The following SLIT2 variants were observed in gnomAD, a reference collection of about 807,000 sequenced individuals.
SLIT2 encodes the protein slit guidance ligand 2, also known as slit homolog 2 protein.
In SLIT2, 41 loss-of-function variants were observed where a neutral mutation model predicts 185.7. That is an observed-to-expected ratio of 0.22 (90% confidence interval 0.17 to 0.29). SLIT2 has a LOEUF of 0.29. Ranked by LOEUF, SLIT2 falls within the 10% of genes least tolerant of loss-of-function variation. SLIT2 has a pLI of 1.00. For missense variants in SLIT2, 1,571 were observed against 1,909.0 expected, an observed-to-expected ratio of 0.82 and a Z score of 3.30; for synonymous variants, 693 against 680.2, an observed-to-expected ratio of 1.02 and a Z score of -0.29.
At chr4:20,546,905 A>C (rs1723299555) in intron 22 of SLIT2, among the ~76,000 whole-genome samples, 2 of 152,150 alleles carry the variant, frequency 1.3e-5, no homozygotes, top group Admixed American at 1.3e-4. Flanking sequence ...TATTAATAGA[A>C]AGTACCGTAT....
intron 9 of SLIT2, among the ~76,000 whole-genome samples, chr4:20,497,266 A>G (rs1718307165): frequency 6.6e-6 from 1 of 152,006 alleles, no homozygotes; most frequent in Non-Finnish European, 1.5e-5. Context: ...ACTTGGGAAA[A>G]AAAAAAACAG....
intron 4 of SLIT2, among the ~76,000 whole-genome samples, chr4:20,270,091 G>A (rs1713449624): frequency 6.6e-6 from 1 of 151,724 alleles, no homozygotes; most frequent in South Asian, 2.1e-4. Flanking sequence ...AAGAAACCTT[G>A]GAATTGCATT....
chr4:20,293,102 A>G (rs1473695422), intron 4 of SLIT2, among the ~76,000 whole-genome samples: 5 of 152,246 alleles, frequency 3.3e-5, no homozygotes, highest in Non-Finnish European at 5.9e-5. Context: ...CTTAGTTGAC[A>G]TGGTTAAAAG....
At chr4:20,563,656 G>A (rs763562910) in intron 26 of SLIT2, among the ~76,000 whole-genome samples, 1 of 151,668 alleles carries the variant, frequency 6.6e-6, no homozygotes, top group Non-Finnish European at 1.5e-5. Context: ...AGGCTCTCAG[G>A]GAGACTGTGA....
At chr4:20,577,164 T>C (rs1215401425) in intron 29 of SLIT2, among the ~76,000 whole-genome samples, 1 of 152,140 alleles carries the variant, frequency 6.6e-6, no homozygotes, top group Non-Finnish European at 1.5e-5. Context: ...TCTCAGTACA[T>C]AACCATCACT....
intron 4 of SLIT2, among the ~76,000 whole-genome samples, chr4:20,442,541 A>G (rs1729845300): frequency 6.7e-6 from 1 of 149,122 alleles, no homozygotes; most frequent in Non-Finnish European, 1.5e-5. Context: ...AAAAAAAAAA[A>G]AAGGGGGGGG....
At chr4:20,402,736 G>C (rs1472908397) in intron 4 of SLIT2, among the ~76,000 whole-genome samples, 1 of 151,462 alleles carries the variant, frequency 6.6e-6, no homozygotes, top group Non-Finnish European at 1.5e-5. Context: ...AAAATAACGG[G>C]GTAATAAGGT....
chr4:20,346,172 T>A (rs1185312489), intron 4 of SLIT2, among the ~76,000 whole-genome samples: 1 of 152,054 alleles, frequency 6.6e-6, no homozygotes, highest in Non-Finnish European at 1.5e-5. Flanking sequence ...TTTAAAATAT[T>A]TTTGTAGAGA....
chr4:20,548,678 G>A, intron 23 of SLIT2, 119 bp downstream of exon 23: 1 of 675,892 alleles, frequency 1.5e-6, no homozygotes, highest in Non-Finnish European at 2.6e-6. Context: ...GTTTCTATTG[G>A]GAGAAACAGA....
intron 4 of SLIT2, among the ~76,000 whole-genome samples, chr4:20,303,178 G>A (rs1174116627): frequency 6.6e-6 from 1 of 152,146 alleles, no homozygotes; most frequent in Non-Finnish European, 1.5e-5. Context: ...TTCACTCTTT[G>A]GATTCTGTTT....
intron 5 of SLIT2, among the ~76,000 whole-genome samples, chr4:20,472,484 C>CTATATCTATATATATATCTATATAGATA (rs1560454397): frequency 6.8e-5 from 1 of 14,714 alleles, no homozygotes; most frequent in Non-Finnish European, 1.0e-4. Flanking sequence ...AGATATATAT[C>CTATATCTATATATATATCTATATAGATA]TATATATAGA....
At chr4:20,590,993 G>A (rs1211460769) in intron 30 of SLIT2, among the ~76,000 whole-genome samples, 4 of 152,178 alleles carry the variant, frequency 2.6e-5, no homozygotes, top group Admixed American at 2.6e-4. Flanking sequence ...TGGATTCTTA[G>A]GAATTACACA....
At chr4:20,273,868 C>T (rs952681287) in intron 4 of SLIT2, among the ~76,000 whole-genome samples, 2 of 152,098 alleles carry the variant, frequency 1.3e-5, no homozygotes, top group African/African-American at 4.8e-5. Context: ...CAGGTGCCAT[C>T]GTTTCCTGCT....
intron 4 of SLIT2, among the ~76,000 whole-genome samples, chr4:20,450,088 A>G (rs1487316768): frequency 6.6e-6 from 1 of 152,192 alleles, no homozygotes; most frequent in Non-Finnish European, 1.5e-5. Context: ...TTAAAGGAAG[A>G]TTACCTTTGA....
intron 4 of SLIT2, 103 bp downstream of exon 4, chr4:20,268,984 AAT>A (rs1713321826): frequency 2.7e-6 from 2 of 738,388 alleles, no homozygotes; most frequent in African/African-American, 3.5e-5. Flanking sequence ...TCTGTTCATC[AAT>A]AGATTAATGG....
intron 4 of SLIT2, among the ~76,000 whole-genome samples, chr4:20,376,969 T>A (rs1724073243): frequency 6.6e-6 from 1 of 151,990 alleles, no homozygotes. Context: ...CATATATACC[T>A]ATGTAACAGA....
In SLIT2 at chr4:20,523,781, A is replaced by G; in HGVS notation, c.1152A>G (p.Ile384Met). The change falls in exon 13 of 37, where the codon ATA (isoleucine) becomes ATG (methionine). Residue 384 changes from isoleucine (I) to methionine (M), a missense_variant. Ile to Met is a conservative substitution (Grantham distance 10, BLOSUM62 1). Coordinates refer to ENST00000504154, the MANE Select transcript of SLIT2 (RefSeq NM_004787.4). ...LQLLLLNANK[I>M]NCLRVDAFQD... Reference sequence around the variant, plus strand: ...ACAGATTATTGAATGCCAACAAGATAAACTGCCTTCGGGTAGATGCTTTTC... The same window carrying G: ...ACAGATTATTGAATGCCAACAAGATGAACTGCCTTCGGGTAGATGCTTTTC... The G allele has an allele frequency of 6.2e-7, 1 of 1,614,022 alleles. No homozygotes were observed. Among genetic ancestry groups the G allele is most frequent in the South Asian group, 1.1e-5 (1 of 91,078 alleles).
Position 20,617,033 on chromosome 4 carries a change from C to T in SLIT2, c.3971C>T (p.Pro1324Leu), listed in dbSNP as rs572790039. The T allele has an allele frequency of 3.6e-5, 58 of 1,614,142 alleles. No homozygotes were observed. The Admixed American group carries it at 3.8e-4, about 11-fold the overall frequency. ...GAGCTGCAGGACTTCCAGAAGGTGCCGATGCAAACAGGCATTTTGCCTGGC... is the reference window on the plus strand; with the variant it reads ...GAGCTGCAGGACTTCCAGAAGGTGCTGATGCAAACAGGCATTTTGCCTGGC... ...NSELQDFQKV[P>L]MQTGILPGCE... Residue 1324 changes from proline (P) to leucine (L), a missense_variant, in exon 35 of 37, where the codon CCG becomes CTG. This residue lies in a region of SLIT2 where 146 missense variants were observed against 247.4 expected (regional missense o/e 0.59). Transcript: ENST00000504154.
chr4:20,536,807 ATTC>A (rs1722341522), intron 18 of SLIT2, among the ~76,000 whole-genome samples: 1 of 151,540 alleles, frequency 6.6e-6, no homozygotes, highest in Admixed American at 6.6e-5. Flanking sequence ...ATTTTCTATT[ATTC>A]TTTTCTTTAT....
Sources: allele counts gnomAD v4.1 joint callset (sites outside exome capture counted in the v4.1 genomes callset), GRCh38; gene constraint gnomAD v4.1.1; regional missense constraint gnomAD v4.1.1; transcripts MANE v1.5; gene names NCBI Gene and HGNC (gene_info 2026-07-23, HGNC 2026-07-21).